CNTN5: variants seen among roughly 807,000 people sequenced by gnomAD.
CNTN5 encodes contactin 5, also known as contactin-5.
In CNTN5, 77 loss-of-function variants were observed where a neutral mutation model predicts 129.1. That is an observed-to-expected ratio of 0.60 (90% CI 0.50 to 0.72). The LOEUF (loss-of-function observed/expected upper bound fraction) is 0.72. CNTN5 is among the 30% of genes least tolerant of loss of function. CNTN5 has a pLI of 0.00. For missense variants in CNTN5, 1,478 were observed against 1,328.8 expected, an observed-to-expected ratio of 1.11 and a Z score of -1.75; for synonymous variants, 509 against 465.6, an observed-to-expected ratio of 1.09 and a Z score of -1.20.
At chr11:99,921,359 A>C (rs1408198572) in intron 7 of CNTN5, among the ~76,000 whole-genome samples, 2 of 152,060 alleles carry the variant, frequency 1.3e-5, no homozygotes, top group Non-Finnish European at 2.9e-5. Flanking sequence ...ACAAGCTCCT[A>C]CCTTAAGGCC....
intron 21 of CNTN5, among the ~76,000 whole-genome samples, chr11:100,329,082 G>C (rs770921449): frequency 6.6e-6 from 1 of 152,170 alleles, no homozygotes; most frequent in East Asian, 1.9e-4. Context: ...CTATTGGAGG[G>C]GGGCGTGGTG....
At chr11:99,109,913 T>A (rs569592222) in intron 1 of CNTN5, among the ~76,000 whole-genome samples, 20 of 152,276 alleles carry the variant, frequency 1.3e-4, no homozygotes, top group African/African-American at 4.8e-4. Flanking sequence ...GAATCTTTAC[T>A]AAGCTCATCT....
At chr11:99,508,079 T>C (rs1946692496) in intron 2 of CNTN5, among the ~76,000 whole-genome samples, 1 of 152,230 alleles carries the variant, frequency 6.6e-6, no homozygotes, top group South Asian at 2.1e-4. Context: ...GTCCAAAACA[T>C]GTCTTCAGTG....
intron 3 of CNTN5, among the ~76,000 whole-genome samples, chr11:99,679,561 T>C (rs1953462015): frequency 6.6e-6 from 1 of 152,164 alleles, no homozygotes; most frequent in East Asian, 1.9e-4. Context: ...ACTGTAAAAA[T>C]TGCTGAACAC....
chr11:99,569,836 C>G lies in CNTN5; in HGVS notation c.55+13567C>G, dbSNP rs536302650. Among the ~76,000 whole-genome samples the G allele has an allele frequency of 2.0e-5, 3 of 152,190 alleles. No homozygotes were observed. The East Asian group carries it at 5.8e-4, about 29-fold the overall frequency. On this transcript the variant is annotated intron_variant, in intron 3 of 24. Coordinates refer to ENST00000524871, the MANE Select transcript of CNTN5 (RefSeq NM_014361.4). ...AATAGGATGAATAATTTTACATTCTCCAAATCTGATCATTCTAATATTTTT... is the reference window on the plus strand; with the variant it reads ...AATAGGATGAATAATTTTACATTCTGCAAATCTGATCATTCTAATATTTTT...
intron 2 of CNTN5, among the ~76,000 whole-genome samples, chr11:99,417,269 AAACAC>A (rs1411550742): frequency 6.6e-6 from 1 of 152,180 alleles, no homozygotes; most frequent in Non-Finnish European, 1.5e-5. Context: ...TATGTAGATT[AAACAC>A]ACTCATTGGT....
chr11:100,327,393 C>A (rs1398834775), intron 21 of CNTN5, among the ~76,000 whole-genome samples: 1 of 152,186 alleles, frequency 6.6e-6, no homozygotes, highest in East Asian at 1.9e-4. Context: ...AGACTGCACA[C>A]AGGATGCCTC....
intron 21 of CNTN5, chr11:100,309,083 G>A (rs951247785): frequency 1.0e-6 from 1 of 984,950 alleles, no homozygotes; most frequent in African/African-American, 1.7e-5. Flanking sequence ...ATGATAACAA[G>A]GTTTGGCTTC....
chr11:99,736,945 A>G (rs1427431960), intron 3 of CNTN5, among the ~76,000 whole-genome samples: 1 of 152,022 alleles, frequency 6.6e-6, no homozygotes, highest in South Asian at 2.1e-4. Context: ...ACATAAGAAA[A>G]TCATAAAAGC....
chr11:100,175,342 G>T (rs73558902), intron 13 of CNTN5, among the ~76,000 whole-genome samples: 4,690 of 152,074 alleles, frequency 0.031, 240 homozygotes, highest in African/African-American at 0.11. Context: ...GTTAAGATAA[G>T]GTATCAAAAG....
At chr11:99,386,352 C>T (rs545071473) in intron 2 of CNTN5, among the ~76,000 whole-genome samples, 3 of 152,290 alleles carry the variant, frequency 2.0e-5, no homozygotes, top group East Asian at 1.9e-4. Context: ...CAGAGCAGCC[C>T]GAGGGCTGCG....
rs139180085 is a variant in CNTN5, at chr11:100,304,489, G to T, written c.2621-3870G>T. On this transcript the variant is annotated intron_variant, in intron 20 of 24. Transcript: ENST00000524871. ...ATGGTTCAAAATTACCAAGGAGTCA[G>T]TGAAACAGGAATCAAAGGAGTTAAT... 3.9e-3 allele frequency among the ~76,000 whole-genome samples: 592 copies of T among 151,704 alleles called. 6 individuals are homozygous for T. The highest frequency in any genetic ancestry group is 0.014 in the African/African-American group (565 of 41,478).
At chr11:99,105,660 T>C (rs955824959) in intron 1 of CNTN5, among the ~76,000 whole-genome samples, 2 of 152,182 alleles carry the variant, frequency 1.3e-5, no homozygotes, top group African/African-American at 4.8e-5. Context: ...TGATAAAATG[T>C]CTGCAATATA....
intron 1 of CNTN5, among the ~76,000 whole-genome samples, chr11:99,234,346 A>G (rs961511378): frequency 6.6e-6 from 1 of 152,188 alleles, no homozygotes; most frequent in African/African-American, 2.4e-5. Flanking sequence ...ACATGAAGAC[A>G]GAAGGAGGGC....
At chr11:99,281,152 C>A (rs1477793289) in intron 1 of CNTN5, among the ~76,000 whole-genome samples, 1 of 151,662 alleles carries the variant, frequency 6.6e-6, no homozygotes, top group African/African-American at 2.4e-5. Flanking sequence ...ATTAAAAGAT[C>A]TGATTAAGGA....
intron 3 of CNTN5, among the ~76,000 whole-genome samples, chr11:99,565,057 G>T (rs1317721710): frequency 1.3e-5 from 2 of 151,980 alleles, no homozygotes; most frequent in African/African-American, 4.8e-5. Context: ...AGTACAAATA[G>T]CTTCCTTTTT....
At chr11:99,868,709 G>C (rs1305456011) in intron 6 of CNTN5, among the ~76,000 whole-genome samples, 1 of 152,168 alleles carries the variant, frequency 6.6e-6, no homozygotes, top group Non-Finnish European at 1.5e-5. Flanking sequence ...TGTGTAGTAA[G>C]GAAGATTGAC....
Position 100,356,312 on chromosome 11 carries a change from G to T in CNTN5, c.*92G>T. The T allele has an allele frequency of 1.2e-6, 1 of 864,624 alleles. No individual in the cohort carries two copies. The highest frequency in any genetic ancestry group is 1.9e-6 in the Non-Finnish European group (1 of 530,788). The allele number at this position is 864,624 out of a possible 1,614,324, so 53.6% of individuals were successfully genotyped here. A position where few individuals can be genotyped will look rare whatever the true frequency, so the allele number is the denominator to read the frequency against. On this transcript the variant is annotated 3_prime_UTR_variant, in exon 25 of 25. Coordinates refer to ENST00000524871, the MANE Select transcript of CNTN5 (RefSeq NM_014361.4). Reference sequence around the variant, plus strand: ...AAGTGGAGAACCAGGATCCTGAGATGAGCTTGAGCTTTAAAAACTTGGGAC... The same window carrying T: ...AAGTGGAGAACCAGGATCCTGAGATTAGCTTGAGCTTTAAAAACTTGGGAC...
intron 1 of CNTN5, among the ~76,000 whole-genome samples, chr11:99,103,161 C>A (rs1395679029): frequency 6.6e-6 from 1 of 152,190 alleles, no homozygotes; most frequent in Non-Finnish European, 1.5e-5. Flanking sequence ...CTCCCATTAT[C>A]TCCCACAGGT....
Sources: allele counts gnomAD v4.1 joint callset (sites outside exome capture counted in the v4.1 genomes callset), GRCh38; gene constraint gnomAD v4.1.1; transcripts MANE v1.5; gene names NCBI Gene and HGNC (gene_info 2026-07-23, HGNC 2026-07-21).